The following GALNT8 variants were observed in gnomAD, a reference collection of about 807,000 sequenced individuals.
GALNT8 encodes polypeptide N-acetylgalactosaminyltransferase 8.
A neutral mutation model predicts 62.7 loss-of-function variants in GALNT8; 66 were observed. That is an observed-to-expected ratio of 1.05 (90% CI 0.86 to 1.29). The LOEUF (loss-of-function observed/expected upper bound fraction) is 1.29, where lower values mean the gene tolerates loss of function less well. GALNT8 is among the 50% of genes most tolerant of loss of function. The pLI, the probability that GALNT8 is intolerant of heterozygous loss-of-function variation, is 0.00. For missense variants in GALNT8, 771 were observed against 791.8 expected (o/e 0.97, Z 0.32); for synonymous variants, 288 against 294.3 (o/e 0.98, Z 0.22).
intron 10 of GALNT8, among the ~76,000 whole-genome samples, chr12:4,770,363 T>A (rs1478795419): frequency 2.0e-5 from 3 of 149,272 alleles, no homozygotes; most frequent in African/African-American, 7.4e-5. Flanking sequence ...AACAAAAATG[T>A]GTAAGATACA....
intron 3 of GALNT8, among the ~76,000 whole-genome samples, chr12:4,740,360 G>A (rs535469244): frequency 6.6e-6 from 1 of 151,956 alleles, no homozygotes; most frequent in Admixed American, 6.5e-5. Flanking sequence ...GAACTATAGT[G>A]AGAATTAAAT....
chr12:4,747,299 A>G (rs1280768651), intron 6 of GALNT8, among the ~76,000 whole-genome samples: 2 of 152,206 alleles, frequency 1.3e-5, no homozygotes, highest in Non-Finnish European at 2.9e-5. Flanking sequence ...GCCATCAAAT[A>G]GTAGGTCTTA....
chr12:4,741,126 T>C (rs1946270345), intron 3 of GALNT8, among the ~76,000 whole-genome samples: 1 of 152,228 alleles, frequency 6.6e-6, no homozygotes, highest in South Asian at 2.1e-4. Context: ...ATGTTCCTTC[T>C]CTGAGGATCT....
rs568855948 is a variant in GALNT8, at chr12:4,764,340, C to T, written c.1593+293C>T. On this transcript the variant is annotated intron_variant, in intron 9 of 10. Coordinates refer to ENST00000252318, the MANE Select transcript of GALNT8 (RefSeq NM_017417.2). ...CATTGACAATCACCTCTGGTCCCTTCCTTTTCCCCTCCTCCCACTGCTCCC... is the reference window on the plus strand; with the variant it reads ...CATTGACAATCACCTCTGGTCCCTTTCTTTTCCCCTCCTCCCACTGCTCCC... 3.9e-5 allele frequency among the ~76,000 whole-genome samples: 6 copies of T among 152,262 alleles called. No homozygotes were observed. In the South Asian group the frequency reaches 1.2e-3, roughly 32 times the overall value.
At chr12:4,754,336 CAG>C (rs1946335158) in intron 6 of GALNT8, among the ~76,000 whole-genome samples, 1 of 152,118 alleles carries the variant, frequency 6.6e-6, no homozygotes, top group African/African-American at 2.4e-5. Flanking sequence ...GTCTGGCAGT[CAG>C]ACACTAAAGT....
intron 8 of GALNT8, among the ~76,000 whole-genome samples, 189 bp from the exon 9 acceptor site, chr12:4,763,763 C>G (rs1946384362): frequency 6.6e-6 from 1 of 152,182 alleles, no homozygotes; most frequent in Admixed American, 6.5e-5. Flanking sequence ...AGCGCAGCAG[C>G]GCCTCCCTTC....
At chr12:4,739,470 A>G (rs1376838668) in intron 3 of GALNT8, 141 bp downstream of exon 3, 8 of 629,326 alleles carry the variant, frequency 1.3e-5, no homozygotes, top group South Asian at 2.0e-5. Flanking sequence ...TTAAGGGTCT[A>G]TTTGTGCTAG....
rs776121630 is a variant in GALNT8 at position 4,720,864 on chromosome 12, T to C, written c.187T>C (p.Leu63=). The C allele has an allele frequency of 1.2e-5, 19 of 1,603,422 alleles. No homozygotes were observed. Among genetic ancestry groups the C allele is most frequent in the Admixed American group, 1.7e-5 (1 of 59,966 alleles). ...YGAVIKRLSH[L]EVELQDLKES... is the part of the protein sequence containing the mutation. ...GGCAGTGATAAAGAGACTCTCCCAC[T>C]TGGAGGTGGAATTGCAGGATCTGAG... The change falls in exon 1 of 11, where the codon TTG becomes CTG. Residue 63 remains leucine (L), a synonymous_variant. Coordinates refer to ENST00000252318, the MANE Select transcript of GALNT8 (RefSeq NM_017417.2).
intron 3 of GALNT8, 137 bp downstream of exon 3, chr12:4,739,466 G>A (rs552302865): frequency 3.2e-6 from 2 of 633,964 alleles, no homozygotes; most frequent in African/African-American, 3.7e-5. Context: ...TTTGTTAAGG[G>A]TCTATTTGTG....
intron 1 of GALNT8, among the ~76,000 whole-genome samples, chr12:4,722,686 G>A (rs986271087): frequency 5.3e-5 from 8 of 152,180 alleles, no homozygotes; most frequent in African/African-American, 1.9e-4. Flanking sequence ...CCCATAGGGA[G>A]GTGTTTTATG....
chr12:4,765,307 G>T (rs1186906065), intron 9 of GALNT8, 72 bp from the exon 10 acceptor site: 12 of 1,383,730 alleles, frequency 8.7e-6, no homozygotes, highest in Non-Finnish European at 1.1e-5. Flanking sequence ...TGTCCCTCGG[G>T]CTAGGGTCTC....
intron 8 of GALNT8, 32 bp from the exon 9 acceptor site, chr12:4,763,920 A>G (rs374871198): frequency 2.8e-6 from 3 of 1,084,934 alleles, no homozygotes; most frequent in Non-Finnish European, 4.3e-6. Flanking sequence ...TGTCCTTTCT[A>G]ACAGTGTTGC....
In GALNT8 at chr12:4,726,330, G is replaced by A. The variant is rs934563285; in HGVS notation, c.212-202G>A. ...TTTTGATGGGGCTAAAGGGAGAGAC[G>A]TATCTAGTACATACTTTGCTGGGAC... On this transcript the variant is annotated intron_variant, in intron 1 of 10. Transcript: ENST00000252318. The surrounding 1 kb of genome is among the most constrained non-coding windows in gnomAD (Gnocchi z 4.1). 7.9e-5 allele frequency among the ~76,000 whole-genome samples: 12 copies of A among 152,286 alleles called. No homozygotes were observed. The highest frequency in any genetic ancestry group is 2.6e-4 in the African/African-American group (11 of 41,552).
chr12:4,757,110 C>A (rs947361285), intron 6 of GALNT8, among the ~76,000 whole-genome samples: 4 of 152,194 alleles, frequency 2.6e-5, no homozygotes, highest in African/African-American at 9.7e-5. Context: ...TTCCCCTTTG[C>A]CTTCTGCCAT....
intron 6 of GALNT8, among the ~76,000 whole-genome samples, chr12:4,751,651 T>G (rs1946322758): frequency 1.3e-5 from 2 of 152,178 alleles, no homozygotes; most frequent in African/African-American, 4.8e-5. Flanking sequence ...TTTTGAATGT[T>G]TTAAGACTTG....
rs766309584 is a variant in GALNT8, at chr12:4,744,524, A to G, written c.684A>G (p.Leu228=). The change falls in exon 4 of 11, where the codon CTA becomes CTG. Residue 228 remains leucine (L), a synonymous_variant. Coordinates refer to ENST00000252318, the MANE Select transcript of GALNT8 (RefSeq NM_017417.2). ...LVDDFSSNGE[L]KVHLDEKIKL... ...TGTGCACTTGATTGACAGGAGAACTAAAGGTACACTTGGATGAGAAGATTA... is the reference window on the plus strand; with the variant it reads ...TGTGCACTTGATTGACAGGAGAACTGAAGGTACACTTGGATGAGAAGATTA... The G allele has an allele frequency of 6.2e-7, 1 of 1,605,612 alleles. No individual in the cohort carries two copies. The highest frequency in any genetic ancestry group is 8.5e-7 in the Non-Finnish European group (1 of 1,175,396).
intron 2 of GALNT8, among the ~76,000 whole-genome samples, chr12:4,728,891 G>T (rs1946208274): frequency 6.6e-6 from 1 of 152,114 alleles, no homozygotes; most frequent in South Asian, 2.1e-4. Context: ...TTTCTGCAAA[G>T]AAACCAGCAG....
intron 10 of GALNT8, among the ~76,000 whole-genome samples, chr12:4,770,026 C>G (rs928904106): frequency 1.3e-5 from 2 of 152,144 alleles, no homozygotes; most frequent in Non-Finnish European, 2.9e-5. Flanking sequence ...TGGCCGGGCA[C>G]GGTGGCTCAC....
chr12:4,754,700 G>C lies in GALNT8; in HGVS notation c.1174-6258G>C, dbSNP rs572527261. On this transcript the variant is annotated intron_variant, in intron 6 of 10. Coordinates refer to ENST00000252318, the MANE Select transcript of GALNT8 (RefSeq NM_017417.2). ...CTTGGTGCTCTACCCACCTGTGGCC[G>C]AGCTGGTACCTAAAGCCAGCAAGTC... Among the ~76,000 whole-genome samples, 46 of 152,014 alleles carry C rather than the reference G, an allele frequency of 3.0e-4. No homozygotes were observed. In the South Asian group the frequency reaches 4.4e-3, roughly 14 times the overall value.
Sources: allele counts gnomAD v4.1 joint callset (sites outside exome capture counted in the v4.1 genomes callset), GRCh38; gene constraint gnomAD v4.1.1; non-coding constraint Gnocchi (gnomAD v3.1); transcripts MANE v1.5; gene names NCBI Gene and HGNC (gene_info 2026-07-23, HGNC 2026-07-21).